Variants in EDC3 observed in about 807,000 individuals in gnomAD.
EDC3 encodes enhancer of mRNA decapping 3.
A neutral mutation model predicts 41.8 loss-of-function variants in EDC3; 20 were observed. That is an observed-to-expected ratio of 0.48 (90% CI 0.34 to 0.70). EDC3 has a LOEUF of 0.70. EDC3 is among the 30% of genes least tolerant of loss of function. The probability of loss-of-function intolerance (pLI) is 0.01; values close to 1 mark genes in which losing one functional copy is unlikely to be tolerated. For missense variants in EDC3, 444 were observed against 636.8 expected (o/e 0.70, Z 3.26); for synonymous variants, 206 against 243.2 (o/e 0.85, Z 1.42).
intron 6 of EDC3, 71 bp downstream of exon 6, chr15:74,635,338 G>T: frequency 6.9e-7 from 1 of 1,456,472 alleles, no homozygotes; most frequent in Non-Finnish European, 9.6e-7. Flanking sequence ...TCGCCACTGG[G>T]TGGCATGACG....
chr15:74,691,253 G>A (rs1049013054), intron 1 of EDC3, among the ~76,000 whole-genome samples: 1 of 152,004 alleles, frequency 6.6e-6, no homozygotes, highest in Non-Finnish European at 1.5e-5. Flanking sequence ...AGTCTCAACT[G>A]CCTCATCTGT....
intron 1 of EDC3, among the ~76,000 whole-genome samples, chr15:74,689,142 A>T (rs914374776): frequency 1.3e-5 from 2 of 152,324 alleles, no homozygotes; most frequent in African/African-American, 4.8e-5. Flanking sequence ...TCTACTGGGC[A>T]TATAACACAG....
chr15:74,654,109 C>T (rs1011702561), intron 4 of EDC3, among the ~76,000 whole-genome samples: 1 of 152,090 alleles, frequency 6.6e-6, no homozygotes, highest in African/African-American at 2.4e-5. Flanking sequence ...AAAAATTAGC[C>T]AGGCATGGTG....
rs191010280 is a variant in EDC3, at chr15:74,658,848, G to A, written c.485-2780C>T. Among the ~76,000 whole-genome samples the A allele has an allele frequency of 4.1e-4, 62 of 152,214 alleles. 1 individual carries two copies. Among genetic ancestry groups the A allele is most frequent in the Non-Finnish European group, 6.6e-4 (45 of 68,012 alleles). The stretch of plus-strand genomic sequence containing the variant: ...CCAGCTACTCAGGAGGCTGAGGCAG[G>A]AGAATTGCTTGAACCCAGGAGGCGG... On this transcript the variant is annotated intron_variant, in intron 3 of 6. Coordinates refer to ENST00000315127, the MANE Select transcript of EDC3 (RefSeq NM_025083.5).
At chr15:74,687,849 T>TA (rs1237903885) in intron 1 of EDC3, among the ~76,000 whole-genome samples, 2 of 152,206 alleles carry the variant, frequency 1.3e-5, no homozygotes, top group Non-Finnish European at 2.9e-5. Context: ...CTCAGATGCT[T>TA]AGATAGATGC....
chr15:74,695,197 T>C (rs1022386512), intron 1 of EDC3: 4 of 151,554 alleles, frequency 2.6e-5, no homozygotes, highest in African/African-American at 7.3e-5. Flanking sequence ...AATCTCCCAA[T>C]TGAAGAGTTA....
chr15:74,691,876 G>C (rs951549279), intron 1 of EDC3, among the ~76,000 whole-genome samples: 4 of 151,998 alleles, frequency 2.6e-5, no homozygotes, highest in African/African-American at 7.2e-5. Flanking sequence ...GAGTGCAGTG[G>C]AGCGATCTCG....
chr15:74,686,052 C>G (rs1354763756), intron 1 of EDC3, among the ~76,000 whole-genome samples: 1 of 151,810 alleles, frequency 6.6e-6, no homozygotes, highest in Non-Finnish European at 1.5e-5. Flanking sequence ...ATTGGCCGGG[C>G]GCAGTGGCTC....
intron 5 of EDC3, 66 bp from the exon 6 acceptor site, chr15:74,635,692 A>C: frequency 7.0e-7 from 1 of 1,422,416 alleles, no homozygotes; most frequent in South Asian, 1.2e-5. Context: ...CCTATACCAG[A>C]CAATTGCCTG....
chr15:74,682,926 G>A (rs943957879), intron 1 of EDC3, among the ~76,000 whole-genome samples: 20 of 152,154 alleles, frequency 1.3e-4, no homozygotes, highest in African/African-American at 4.8e-4. Flanking sequence ...GGAGGCTGAG[G>A]CGGGAGAATC....
At chr15:74,644,555 T>C (rs1424811696) in intron 4 of EDC3, 2 of 152,004 alleles carry the variant, frequency 1.3e-5, no homozygotes, top group African/African-American at 4.8e-5. Flanking sequence ...CTAATGTAGA[T>C]GACGGGTTGT....
At chr15:74,685,965 G>A (rs1390354202) in intron 1 of EDC3, among the ~76,000 whole-genome samples, 1 of 152,222 alleles carries the variant, frequency 6.6e-6, no homozygotes, top group Non-Finnish European at 1.5e-5. Context: ...TGCCAAGGCA[G>A]GTGGATCACA....
intron 1 of EDC3, among the ~76,000 whole-genome samples, chr15:74,683,899 T>C (rs1274799274): frequency 6.6e-6 from 1 of 151,990 alleles, no homozygotes; most frequent in Non-Finnish European, 1.5e-5. Context: ...TGATACTTAA[T>C]GGTGAAATAG....
At chr15:74,665,517 T>C (rs2062667814) in intron 3 of EDC3, among the ~76,000 whole-genome samples, 1 of 152,212 alleles carries the variant, frequency 6.6e-6, no homozygotes, top group Admixed American at 6.5e-5. Context: ...ATTATACCCA[T>C]ACACAGAGCT....
intron 1 of EDC3, among the ~76,000 whole-genome samples, chr15:74,678,322 T>C (rs1022212740): frequency 6.6e-6 from 1 of 152,120 alleles, no homozygotes; most frequent in Admixed American, 6.6e-5. Flanking sequence ...GAGGGCTTAC[T>C]GGGGGACAAC....
chr15:74,673,457 T>C (rs2062763285), intron 2 of EDC3, among the ~76,000 whole-genome samples: 1 of 151,950 alleles, frequency 6.6e-6, no homozygotes. Flanking sequence ...GCTCCGAAAA[T>C]CTTGCATTTA....
intron 3 of EDC3, among the ~76,000 whole-genome samples, chr15:74,669,343 CAAA>C (rs59652636): frequency 1.7e-4 from 16 of 95,850 alleles, no homozygotes; most frequent in Admixed American, 2.1e-4. Context: ...AACTCTGTCT[CAAA>C]AAAAAAAAAA....
At chr15:74,661,655 C>T (rs999518959) in intron 3 of EDC3, among the ~76,000 whole-genome samples, 4 of 147,796 alleles carry the variant, frequency 2.7e-5, no homozygotes, top group African/African-American at 1.0e-4. Context: ...CGCTTGAACC[C>T]GGGAGGTGGA....
At chr15:74,652,006 G>A (rs968833848) in intron 4 of EDC3, among the ~76,000 whole-genome samples, 1 of 152,098 alleles carries the variant, frequency 6.6e-6, no homozygotes, top group South Asian at 2.1e-4. Flanking sequence ...ATGACTGCAC[G>A]GCTGACTGCT....
Sources: gnomAD v4.1 joint callset for allele counts (sites outside exome capture counted in the v4.1 genomes callset) on GRCh38, gnomAD v4.1.1 for gene constraint, MANE v1.5 for transcripts, NCBI Gene and HGNC (gene_info 2026-07-23, HGNC 2026-07-21) for gene names.